The following PRELID2 variants were observed in gnomAD, a reference collection of about 807,000 sequenced individuals.
PRELID2 encodes PRELI domain-containing protein 2.
In PRELID2, 25 loss-of-function variants were observed where a neutral mutation model predicts 28.4. The observed-to-expected ratio is 0.88, with a 90% confidence interval of 0.64 to 1.23. PRELID2 has a LOEUF of 1.23. Among genes scored for constraint, PRELID2 ranks in the 50% most tolerant of loss-of-function variants. The probability of loss-of-function intolerance (pLI) is 0.00; values close to 1 mark genes in which losing one functional copy is unlikely to be tolerated. For missense variants in PRELID2, 201 were observed against 214.4 expected, an observed-to-expected ratio of 0.94 and a Z score of 0.39; for synonymous variants, 76 against 71.6, an observed-to-expected ratio of 1.06 and a Z score of -0.31.
the PRELID2 span, among the ~76,000 whole-genome samples, chr5:145,438,815 G>C: frequency 5.3e-5 from 8 of 152,086 alleles, no homozygotes; most frequent in African/African-American, 1.9e-4. Context: ...AAAATCTCTA[G>C]TTCTTTGTGC....
the PRELID2 span, among the ~76,000 whole-genome samples, chr5:145,388,414 A>C: frequency 2.0e-5 from 3 of 152,100 alleles, no homozygotes; most frequent in African/African-American, 7.2e-5. Context: ...TTTGATAATG[A>C]TATTTCTTTG....
At chr5:145,739,610 G>A (rs1756594284) in intron 1 of PRELID2, among the ~76,000 whole-genome samples, 1 of 147,404 alleles carries the variant, frequency 6.8e-6, no homozygotes, top group African/African-American at 2.5e-5. Context: ...TCTAAATTAT[G>A]TTTAATAATT....
chr5:145,463,216 G>A, the PRELID2 span, among the ~76,000 whole-genome samples: 2 of 151,798 alleles, frequency 1.3e-5, no homozygotes, highest in African/African-American at 4.8e-5. Context: ...ACCTGCTATA[G>A]AAAATCCTTC....
intron 4 of PRELID2, among the ~76,000 whole-genome samples, chr5:145,801,701 A>C (rs1753153764): frequency 6.6e-6 from 1 of 152,174 alleles, no homozygotes; most frequent in African/African-American, 2.4e-5. Flanking sequence ...AGGATTCATT[A>C]GCTATCACCT....
chr5:145,265,777 G>C, the PRELID2 span, among the ~76,000 whole-genome samples: 3 of 152,056 alleles, frequency 2.0e-5, no homozygotes, highest in Non-Finnish European at 2.9e-5. Context: ...AATGAAACTG[G>C]ATTATCATCT....
At chr5:145,524,977 T>C (rs1259182154) in intron 1 of PRELID2, among the ~76,000 whole-genome samples, 1 of 152,186 alleles carries the variant, frequency 6.6e-6, no homozygotes, top group Non-Finnish European at 1.5e-5. Flanking sequence ...TATATTTTCC[T>C]CTCTTCACTT....
At chr5:145,516,276 A>G (rs1045943548) in intron 1 of PRELID2, among the ~76,000 whole-genome samples, 1 of 152,222 alleles carries the variant, frequency 6.6e-6, no homozygotes, top group Non-Finnish European at 1.5e-5. Flanking sequence ...TCAAGCTGAT[A>G]AGCAAATTCA....
the PRELID2 span, among the ~76,000 whole-genome samples, chr5:145,348,881 A>G: frequency 1.3e-5 from 2 of 152,168 alleles, no homozygotes; most frequent in Admixed American, 1.3e-4. Context: ...GCATTTATAA[A>G]AGATAAAATT....
At chr5:145,752,107 G>A (rs1757138884), downstream of PRELID2, among the ~76,000 whole-genome samples, 1 of 152,106 alleles carries the variant, frequency 6.6e-6, no homozygotes, top group Non-Finnish European at 1.5e-5. Context: ...CCCAGAAGGA[G>A]GTTTCAGAGG....
At chr5:145,298,284 G>A in the PRELID2 span, among the ~76,000 whole-genome samples, 1 of 152,004 alleles carries the variant, frequency 6.6e-6, no homozygotes, top group Admixed American at 6.6e-5. Context: ...ACAGATCAAT[G>A]GAACAGAACA....
At chr5:145,442,017 C>T in the PRELID2 span, among the ~76,000 whole-genome samples, 1 of 152,036 alleles carries the variant, frequency 6.6e-6, no homozygotes, top group African/African-American at 2.4e-5. Flanking sequence ...GACTCTGACT[C>T]AAAAGATAGG....
At chr5:145,762,114 G>T (rs972236015) in intron 6 of PRELID2, among the ~76,000 whole-genome samples, 2 of 152,178 alleles carry the variant, frequency 1.3e-5, no homozygotes, top group African/African-American at 4.8e-5. Context: ...AACTGGTCAT[G>T]AATTTTGAGA....
At chr5:145,356,307 T>C in the PRELID2 span, among the ~76,000 whole-genome samples, 1 of 152,070 alleles carries the variant, frequency 6.6e-6, no homozygotes, top group South Asian at 2.1e-4. Context: ...CTCGTTAGAG[T>C]CCAGAGCTTT....
the PRELID2 span, among the ~76,000 whole-genome samples, chr5:145,392,000 G>T: frequency 2.6e-5 from 4 of 152,142 alleles, no homozygotes; most frequent in South Asian, 8.3e-4. Context: ...AGTCTCTAGA[G>T]GTTTCAAACT....
chr5:145,777,773 G>A lies in PRELID2; in HGVS notation c.475-12773C>T, dbSNP rs142835413. 2.4e-3 allele frequency among the ~76,000 whole-genome samples: 372 copies of A among 152,222 alleles called. 3 individuals carry two copies. Among genetic ancestry groups the A allele is most frequent in the African/African-American group, 7.8e-3 (323 of 41,558 alleles). On this transcript the variant is annotated intron_variant, in intron 5 of 6. Coordinates refer to ENST00000683046, the MANE Select transcript of PRELID2 (RefSeq NM_205846.3). The stretch of plus-strand genomic sequence containing the variant: ...TGCCCCCATGGGCACAGCTGCAACC[G>A]CCCAAAGCACACTGCAAACCAAGGC...
the PRELID2 span, among the ~76,000 whole-genome samples, chr5:145,292,120 A>G: frequency 2.0e-5 from 3 of 152,266 alleles, no homozygotes; most frequent in East Asian, 1.9e-4. Flanking sequence ...AAAAAAGGTG[A>G]TATAAATTTC....
Position 145,724,600 on chromosome 5 carries a change from A to ATAT in PRELID2, n.70+40330_70+40331insATA, listed in dbSNP as rs1756080147. ...ACACTGAAATAACAAGAAGTAAATAAATATATATATATATATATATATATA... is the reference window on the plus strand; with the variant it reads ...ACACTGAAATAACAAGAAGTAAATAATATATATATATATATATATATATATATA... On this transcript the variant is annotated intron_variant and non_coding_transcript_variant, in intron 1 of 2. Transcript: ENST00000510259. 2.9e-3 allele frequency among the ~76,000 whole-genome samples: 72 copies of ATAT among 24,776 alleles called. 2 individuals carry two copies. Among genetic ancestry groups the ATAT allele is most frequent in the Non-Finnish European group, 6.0e-3 (63 of 10,504 alleles). The allele number at this position is 24,776 out of a possible 152,430, so 16.3% of individuals were successfully genotyped here.
At chr5:145,387,454 C>T in the PRELID2 span, among the ~76,000 whole-genome samples, 4,876 of 152,222 alleles carry the variant, frequency 0.032, 102 homozygotes, top group Non-Finnish European at 0.044. Flanking sequence ...TCATCTAGAA[C>T]TTATATCTTT....
chr5:145,704,192 T>G (rs1368462257), intron 1 of PRELID2: 1 of 152,198 alleles, frequency 6.6e-6, no homozygotes. Flanking sequence ...GTGGATCATT[T>G]TCACTCAATT....
Sources: gnomAD v4.1 joint callset for allele counts (sites outside exome capture counted in the v4.1 genomes callset) on GRCh38, gnomAD v4.1.1 for gene constraint, MANE v1.5 for transcripts, NCBI Gene and HGNC (gene_info 2026-07-23, HGNC 2026-07-21) for gene names.